Variants in AGBL1 observed in about 807,000 individuals in gnomAD.
AGBL1 encodes AGBL carboxypeptidase 1, also known as cytosolic carboxypeptidase 4.
In AGBL1, 130 loss-of-function variants were observed where a neutral mutation model predicts 118.9. The ratio of observed to expected loss-of-function variants is 1.09; its 90% CI spans 0.95 to 1.26. The LOEUF (loss-of-function observed/expected upper bound fraction) is 1.26, where lower values mean the gene tolerates loss of function less well. AGBL1 is among the 50% of genes most tolerant of loss of function. The pLI is 0.00. For synonymous variants in AGBL1, 555 were observed against 478.9 expected (o/e 1.16, Z -2.08); for missense variants, 1,584 against 1,298.1 (o/e 1.22, Z -3.38).
chr15:86,534,364 T>C (rs962129544), intron 19 of AGBL1, among the ~76,000 whole-genome samples: 2 of 152,170 alleles, frequency 1.3e-5, no homozygotes, highest in Non-Finnish European at 2.9e-5. Flanking sequence ...TTCCCTTGGA[T>C]TTTATTCTAG....
At chr15:86,281,065 T>A (rs997781365) in intron 16 of AGBL1, among the ~76,000 whole-genome samples, 4 of 152,172 alleles carry the variant, frequency 2.6e-5, no homozygotes, top group African/African-American at 9.6e-5. Context: ...TTTTATGGTC[T>A]TGCCTGTGAA....
At chr15:86,859,030 T>C (rs1000946391) in intron 22 of AGBL1, among the ~76,000 whole-genome samples, 2 of 152,210 alleles carry the variant, frequency 1.3e-5, no homozygotes, top group Non-Finnish European at 2.9e-5. Flanking sequence ...TGCTCAAGAC[T>C]AGGCTCAACT....
intron 22 of AGBL1, among the ~76,000 whole-genome samples, chr15:86,684,362 A>G (rs1020272616): frequency 1.3e-5 from 2 of 152,172 alleles, no homozygotes; most frequent in Non-Finnish European, 2.9e-5. Context: ...AACCCTGGCT[A>G]CATTCTACTG....
At chr15:86,230,241 C>T (rs1373782196) in intron 6 of AGBL1, among the ~76,000 whole-genome samples, 1 of 152,192 alleles carries the variant, frequency 6.6e-6, no homozygotes, top group Non-Finnish European at 1.5e-5. Context: ...CAGGAGTCGT[C>T]TGCTGTGACC....
At chr15:86,933,403 G>A (rs2080629196) in intron 23 of AGBL1, among the ~76,000 whole-genome samples, 1 of 152,106 alleles carries the variant, frequency 6.6e-6, no homozygotes, top group South Asian at 2.1e-4. Flanking sequence ...CTCAAATGTA[G>A]GCATAATTTC....
In AGBL1 at chr15:86,470,295, C is replaced by A. The variant is rs931320985; in HGVS notation, c.2556-52515C>A. 7.9e-5 allele frequency among the ~76,000 whole-genome samples: 12 copies of A among 152,226 alleles called. No individual in the cohort carries two copies. The South Asian group carries it at 2.5e-3, about 32-fold the overall frequency. ...ATTTTATTCTTTTGCATGTGACTAT[C>A]TAGTTTTTTCAAAATCAATTACTGA... On this transcript the variant is annotated intron_variant, in intron 18 of 22. Transcript: ENST00000614907.
chr15:86,424,075 A>G (rs2081831850), intron 18 of AGBL1, among the ~76,000 whole-genome samples: 1 of 152,190 alleles, frequency 6.6e-6, no homozygotes. Context: ...TATAGCCAAG[A>G]CAATCATAAG....
At chr15:86,819,269 G>A (rs1298021841) in intron 22 of AGBL1, among the ~76,000 whole-genome samples, 1 of 152,034 alleles carries the variant, frequency 6.6e-6, no homozygotes, top group East Asian at 1.9e-4. Flanking sequence ...ACTAATAGTA[G>A]GAGCAGTAAT....
At chr15:86,148,985 A>G (rs1426242531) in intron 3 of AGBL1, among the ~76,000 whole-genome samples, 1 of 152,228 alleles carries the variant, frequency 6.6e-6, no homozygotes, top group African/African-American at 2.4e-5. Context: ...ACATTCTTAA[A>G]GAAAAGAATT....
intron 21 of AGBL1, among the ~76,000 whole-genome samples, chr15:86,672,112 G>T (rs958444833): frequency 6.6e-6 from 1 of 152,122 alleles, no homozygotes; most frequent in African/African-American, 2.4e-5. Context: ...GTTTTATACT[G>T]TGTGAGAGTA....
At chr15:86,520,397 A>G (rs1196377225) in intron 18 of AGBL1, among the ~76,000 whole-genome samples, 1 of 152,220 alleles carries the variant, frequency 6.6e-6, no homozygotes, top group Non-Finnish European at 1.5e-5. Context: ...AGAGGTCTCA[A>G]ATCCTATATC....
intron 17 of AGBL1, among the ~76,000 whole-genome samples, chr15:86,368,940 G>A (rs970829467): frequency 1.3e-5 from 2 of 152,056 alleles, no homozygotes; most frequent in African/African-American, 2.4e-5. Context: ...GAGAATCTGC[G>A]CCTGGGAGAA....
intron 21 of AGBL1, among the ~76,000 whole-genome samples, chr15:86,673,900 G>A (rs143925889): frequency 0.014 from 2,203 of 152,164 alleles, 34 homozygotes; most frequent in Non-Finnish European, 0.017. Context: ...GATTCTTTAT[G>A]AACTTCTGTT....
intron 3 of AGBL1, among the ~76,000 whole-genome samples, chr15:86,151,448 T>C (rs1306119066): frequency 6.6e-6 from 1 of 152,152 alleles, no homozygotes; most frequent in Non-Finnish European, 1.5e-5. Context: ...TCTCAATAGA[T>C]GCAGAAAAGG....
downstream of AGBL1, among the ~76,000 whole-genome samples, chr15:86,918,185 C>G (rs1468183695): frequency 6.6e-6 from 1 of 152,104 alleles, no homozygotes; most frequent in African/African-American, 2.4e-5. Context: ...TGAACCAGAC[C>G]TTGGGCTGAA....
intron 21 of AGBL1, among the ~76,000 whole-genome samples, chr15:86,623,682 G>C (rs188847743): frequency 5.3e-5 from 8 of 152,280 alleles, no homozygotes; most frequent in Admixed American, 4.6e-4. Context: ...CACCCTGTCA[G>C]TTCCTCCAGC....
chr15:86,246,084 A>G (rs1461951533), intron 6 of AGBL1, among the ~76,000 whole-genome samples: 3 of 151,948 alleles, frequency 2.0e-5, no homozygotes, highest in Non-Finnish European at 4.4e-5. Flanking sequence ...GGGTTTTACT[A>G]TGTTACTCAG....
chr15:86,552,289 C>A (rs1481857488), intron 20 of AGBL1, among the ~76,000 whole-genome samples: 2 of 151,882 alleles, frequency 1.3e-5, no homozygotes, highest in Non-Finnish European at 2.9e-5. Flanking sequence ...CGCTGTGGAC[C>A]TAAAACTGCT....
intron 15 of AGBL1, among the ~76,000 whole-genome samples, chr15:86,272,280 T>A (rs8029450): frequency 0.035 from 5,301 of 152,324 alleles, 107 homozygotes; most frequent in Middle Eastern, 0.058. Context: ...GAACTTTAAA[T>A]TGTCCATATA....
Sources: gnomAD v4.1 joint callset for allele counts (sites outside exome capture counted in the v4.1 genomes callset) on GRCh38, gnomAD v4.1.1 for gene constraint, MANE v1.5 for transcripts, NCBI Gene and HGNC (gene_info 2026-07-23, HGNC 2026-07-21) for gene names.